The following CYB561A3 variants were observed in gnomAD, a reference collection of about 807,000 sequenced individuals.
CYB561A3 encodes lysosomal membrane ascorbate-dependent ferrireductase CYB561A3.
Under a neutral mutation model 25.3 loss-of-function variants are expected in CYB561A3, and 16 were observed. That is an observed-to-expected ratio of 0.63 (90% CI 0.43 to 0.96). The LOEUF (loss-of-function observed/expected upper bound fraction) is 0.96, where lower values mean the gene tolerates loss of function less well. Ranked by LOEUF, CYB561A3 falls within the 40% of genes least tolerant of loss-of-function variation. The pLI is 0.00. For synonymous variants in CYB561A3, 131 were observed against 129.9 expected (o/e 1.01, Z -0.06); for missense variants, 219 against 307.5 (o/e 0.71, Z 2.15).
intron 2 of CYB561A3, chr11:61,356,943 T>C (rs1478090454): frequency 2.8e-6 from 4 of 1,448,224 alleles, no homozygotes; most frequent in East Asian, 2.5e-5. Flanking sequence ...CCCCAGCACC[T>C]GGCAGTGCCC....
At chr11:61,356,327 G>T in intron 3 of CYB561A3, 1 of 689,792 alleles carries the variant, frequency 1.4e-6, no homozygotes. Context: ...CTGCCCTAGA[G>T]TATTTGTGAA....
chr11:61,350,894 AG>A (rs1169258400), intron 6 of CYB561A3, 96 bp downstream of exon 6: 2 of 1,476,528 alleles, frequency 1.4e-6, no homozygotes, highest in African/African-American at 2.8e-5. Flanking sequence ...GCTGTGCCAC[AG>A]GGTAAGTCTT....
upstream of CYB561A3, chr11:61,362,271 G>C (rs1857939731): frequency 6.6e-6 from 1 of 152,314 alleles, no homozygotes. Context: ...ATGGCGGCCA[G>C]ACTGGCCATA....
At chr11:61,356,885 T>C in intron 2 of CYB561A3, 157 bp from the exon 3 acceptor site, 7 of 1,447,750 alleles carry the variant, frequency 4.8e-6, no homozygotes, top group Non-Finnish European at 6.3e-6. Flanking sequence ...GCCCGAGGCC[T>C]CAATGCCTGG....
chr11:61,350,968 G>A, intron 6 of CYB561A3, 23 bp downstream of exon 6: 1 of 1,605,592 alleles, frequency 6.2e-7, no homozygotes, highest in Non-Finnish European at 8.5e-7. Context: ...TCCCACCCTG[G>A]AATGTGGGAC....
chr11:61,351,125 G>A lies in CYB561A3; in HGVS notation c.571C>T (p.His191Tyr). 6.2e-7 allele frequency: 1 copy of A among 1,612,900 alleles called. No homozygotes were observed. The highest frequency in any genetic ancestry group is 1.1e-5 in the South Asian group (1 of 90,848). The change falls in exon 6 of 7, where the codon CAC (histidine) becomes TAC (tyrosine). Residue 191 changes from histidine (H) to tyrosine (Y), a missense_variant. By Grantham distance (83) the His-to-Tyr change is moderately conservative (BLOSUM62 2). Transcript: ENST00000294072. ...AAGACCGCCTCACTGGGCAGGCTGT[G>A]GTATGGCCTGGTGGTGTTTTTCCTG... ...FSLKNTTRPY[H>Y]SLPSEAVFAN...
Position 61,356,520 on chromosome 11 carries a change from T to C in CYB561A3, c.184+10A>G. The C allele has an allele frequency of 1.9e-6, 3 of 1,598,696 alleles. No individual in the cohort carries two copies. The highest frequency in any genetic ancestry group is 2.6e-6 in the Non-Finnish European group (3 of 1,170,136). On this transcript the variant is annotated intron_variant, in intron 3 of 6. Transcript: ENST00000294072. ...CCCTATCCCGCCTCCCTTCCTGACC[T>C]CTTACTCACCACCTCCATAGAATAC... is the stretch of plus-strand genomic sequence containing the variant.
intron 5 of CYB561A3, chr11:61,352,667 AAAG>A: frequency 1.8e-6 from 1 of 563,292 alleles, no homozygotes; most frequent in African/African-American, 2.0e-5. Flanking sequence ...TCTCAAAAAA[AAAG>A]AAAAAAGAAA....
chr11:61,352,998 GCTT>G lies in CYB561A3; in HGVS notation c.532_534del (p.Lys178del), dbSNP rs774746662. 4.3e-6 allele frequency: 7 copies of G among 1,614,030 alleles called. No individual in the cohort carries two copies. Among genetic ancestry groups the G allele is most frequent in the Non-Finnish European group, 8.5e-7 (1 of 1,180,042 alleles). On this transcript the variant is annotated inframe_deletion, in exon 5 of 7. Coordinates refer to ENST00000294072, the MANE Select transcript of CYB561A3 (RefSeq NM_153611.6). ...CACTGCACTCACAAACTGAAGAAAA[GCTT>G]CTCATTAATGCCCGAAATGACGGAT...
chr11:61,357,169 T>C (rs1326473236), intron 2 of CYB561A3: 3 of 1,551,036 alleles, frequency 1.9e-6, no homozygotes, highest in Admixed American at 2.0e-5. Context: ...AGGCAAAAAT[T>C]ACAGTCTGAA....
At chr11:61,353,732 A>G (rs1857526425) in intron 4 of CYB561A3, 52 bp downstream of exon 4, 1 of 1,577,792 alleles carries the variant, frequency 6.3e-7, no homozygotes, top group Non-Finnish European at 8.7e-7. Context: ...TGAACCCCCA[A>G]CCAGAGCTCA....
chr11:61,354,051 G>A (rs1346942738), intron 3 of CYB561A3, 59 bp from the exon 4 acceptor site: 11 of 1,580,204 alleles, frequency 7.0e-6, no homozygotes, highest in Non-Finnish European at 7.8e-6. Context: ...CCAGACATCA[G>A]GGAATAACCC....
At chr11:61,358,886 G>C (rs968440230) in intron 1 of CYB561A3, 2 of 152,182 alleles carry the variant, frequency 1.3e-5, no homozygotes, top group African/African-American at 4.8e-5. Context: ...CACCTACTTA[G>C]GTAAAGATGC....
intron 5 of CYB561A3, 109 bp from the exon 6 acceptor site, chr11:61,351,256 TATGTGATC>T: frequency 8.4e-7 from 1 of 1,187,606 alleles, no homozygotes; most frequent in Non-Finnish European, 1.1e-6. Flanking sequence ...CCCGGGTCCA[TATGTGATC>T]TAGAATTTTA....
intron 1 of CYB561A3, chr11:61,359,427 T>G (rs530262034): frequency 6.6e-6 from 1 of 152,026 alleles, no homozygotes; most frequent in African/African-American, 2.4e-5. Flanking sequence ...GATATTCACC[T>G]AAAACACTCT....
Position 61,350,414 on chromosome 11 carries a change from C to T in CYB561A3, c.714G>A (p.Leu238=), listed in dbSNP as rs200397941. Reference sequence around the variant, plus strand: ...TCCTGCTGCTTCACTCCCCATCATGCAGCAGGGGCTGGAAAGAGAGGCAGA... The same window carrying T: ...TCCTGCTGCTTCACTCCCCATCATGTAGCAGGGGCTGGAAAGAGAGGCAGA... The part of the protein sequence containing the change: ...PGILTDRQPL[L]HDGE Residue 238 remains leucine (L), a synonymous_variant, in exon 7 of 7, where the codon CTG becomes CTA. Transcript: ENST00000294072. 9.9e-6 allele frequency: 16 copies of T among 1,611,326 alleles called. No homozygotes were observed. Among genetic ancestry groups the T allele is most frequent in the Middle Eastern group, 1.6e-4 (1 of 6,080 alleles).
At position 61,353,059 on chromosome 11, in the gene CYB561A3, AAAG is replaced by A. The variant is rs1183312501; in HGVS notation, c.471_473del (p.Phe159del). The A allele has an allele frequency of 6.2e-7, 1 of 1,614,056 alleles. No homozygotes were observed. The highest frequency in any genetic ancestry group is 1.3e-5 in the African/African-American group (1 of 74,916). On this transcript the variant is annotated inframe_deletion, in exon 5 of 7. Coordinates refer to ENST00000294072, the MANE Select transcript of CYB561A3 (RefSeq NM_153611.6). ...ACAGAGAGAGGATGGCGGCTCCAAA[AAAG>A]ACGTGGATAGGTTTTAGGAGGCTGC...
At chr11:61,353,585 G>A in intron 4 of CYB561A3, 199 bp downstream of exon 4, 1 of 729,258 alleles carries the variant, frequency 1.4e-6, no homozygotes. Flanking sequence ...ACGGGCAATG[G>A]GAGGGATAAA....
intron 3 of CYB561A3, among the ~76,000 whole-genome samples, chr11:61,355,306 T>C (rs964108382): frequency 2.0e-5 from 3 of 152,170 alleles, no homozygotes; most frequent in Non-Finnish European, 4.4e-5. Flanking sequence ...TGGCATCGTA[T>C]TGCCATTTTA....
Sources: allele counts gnomAD v4.1 joint callset (sites outside exome capture counted in the v4.1 genomes callset), GRCh38; gene constraint gnomAD v4.1.1; transcripts MANE v1.5; gene names NCBI Gene and HGNC (gene_info 2026-07-23, HGNC 2026-07-21).